Variants in NTM observed in about 807,000 individuals in gnomAD.
NTM encodes the protein IgLON family member 2.
NTM carries 13 observed loss-of-function variants against 42.1 expected under a neutral mutation model. The ratio of observed to expected loss-of-function variants is 0.31; its 90% CI spans 0.20 to 0.49. NTM has a LOEUF of 0.49. Ranked by LOEUF, NTM falls within the 20% of genes least tolerant of loss-of-function variation. The pLI is 0.99. For missense variants in NTM, 373 were observed against 452.8 expected, an observed-to-expected ratio of 0.82 and a Z score of 1.60; for synonymous variants, 187 against 179.2, an observed-to-expected ratio of 1.04 and a Z score of -0.35.
intron 1 of NTM, among the ~76,000 whole-genome samples, chr11:131,764,183 T>G (rs988974308): frequency 6.6e-6 from 1 of 152,140 alleles, no homozygotes; most frequent in Non-Finnish European, 1.5e-5. Context: ...CTGTATTTGG[T>G]CTCTTTAATA....
At chr11:131,590,340 AG>A (rs1444260091) in intron 1 of NTM, among the ~76,000 whole-genome samples, 6 of 152,326 alleles carry the variant, frequency 3.9e-5, no homozygotes, top group Non-Finnish European at 1.5e-5. Flanking sequence ...TTTGCCCAAG[AG>A]CTGAGTGTTC....
intron 4 of NTM, among the ~76,000 whole-genome samples, chr11:132,288,505 A>G (rs577428196): frequency 6.6e-6 from 1 of 152,378 alleles, no homozygotes; most frequent in South Asian, 2.1e-4. Context: ...ATTCATGTAT[A>G]GAACACCACT....
chr11:131,748,580 G>C (rs930939063), intron 1 of NTM, among the ~76,000 whole-genome samples: 1 of 152,118 alleles, frequency 6.6e-6, no homozygotes, highest in African/African-American at 2.4e-5. Context: ...CCCATCCACT[G>C]CCTCTTACTC....
At chr11:132,141,413 G>A (rs1190227146) in intron 2 of NTM, among the ~76,000 whole-genome samples, 1 of 152,140 alleles carries the variant, frequency 6.6e-6, no homozygotes, top group Non-Finnish European at 1.5e-5. Flanking sequence ...TCCTCTATGT[G>A]TAAATGCAGC....
In NTM at chr11:131,860,509, G is replaced by A. The variant is rs565509039; in HGVS notation, c.83-51055G>A. Among the ~76,000 whole-genome samples the A allele has an allele frequency of 9.2e-5, 14 of 152,286 alleles. No individual in the cohort carries two copies. The East Asian group carries it at 9.7e-4, about 11-fold the overall frequency. ...AGTCTAAGGTCTTAACTGGACGCTGGTCATATCGTCACCCTCTCCCTAGCA... is the reference window on the plus strand; with the variant it reads ...AGTCTAAGGTCTTAACTGGACGCTGATCATATCGTCACCCTCTCCCTAGCA... On this transcript the variant is annotated intron_variant, in intron 1 of 8. Transcript: ENST00000683400.
intron 4 of NTM, among the ~76,000 whole-genome samples, chr11:132,225,311 A>T (rs933059470): frequency 9.4e-5 from 12 of 127,514 alleles, no homozygotes; most frequent in East Asian, 4.0e-4. Flanking sequence ...GAGAAAAATT[A>T]AAAAAAAAAA....
At chr11:131,853,706 C>T (rs1026636898) in intron 1 of NTM, among the ~76,000 whole-genome samples, 1 of 152,164 alleles carries the variant, frequency 6.6e-6, no homozygotes, top group African/African-American at 2.4e-5. Flanking sequence ...TAAACATACA[C>T]TTACATGTGT....
intron 2 of NTM, among the ~76,000 whole-genome samples, chr11:132,038,015 TA>T (rs1223790889): frequency 6.6e-6 from 1 of 152,204 alleles, no homozygotes; most frequent in Non-Finnish European, 1.5e-5. Flanking sequence ...GCAAACAAAA[TA>T]TTAGACCGTG....
At chr11:131,463,065 C>T (rs914176541) in intron 1 of NTM, among the ~76,000 whole-genome samples, 2 of 152,220 alleles carry the variant, frequency 1.3e-5, no homozygotes, top group Non-Finnish European at 2.9e-5. Context: ...TAGAGAGCTG[C>T]CCTCTGGCCC....
intron 3 of NTM, among the ~76,000 whole-genome samples, chr11:132,167,578 C>G (rs1195347359): frequency 6.6e-6 from 1 of 152,192 alleles, no homozygotes; most frequent in East Asian, 1.9e-4. Context: ...TGTCATGTAT[C>G]TTGCCTGAGG....
intron 1 of NTM, among the ~76,000 whole-genome samples, chr11:131,498,202 C>G (rs1310968966): frequency 2.0e-5 from 3 of 152,190 alleles, no homozygotes; most frequent in African/African-American, 4.8e-5. Flanking sequence ...AGTAAGGGCT[C>G]TGCAGTCAGA....
intron 1 of NTM, among the ~76,000 whole-genome samples, chr11:131,575,290 T>A (rs992600884): frequency 7.2e-5 from 11 of 152,232 alleles, no homozygotes; most frequent in Non-Finnish European, 1.5e-4. Context: ...AAACATCTTC[T>A]GTGACAGGGA....
In NTM at chr11:132,267,841, C is replaced by CA. The variant is rs61564878; in HGVS notation, c.527-39835dup. Among the ~76,000 whole-genome samples, 817 of 137,128 alleles carry CA rather than the reference C, an allele frequency of 6.0e-3. 8 individuals are homozygous for CA. The highest frequency in any genetic ancestry group is 0.03 in the East Asian group (145 of 4,798). 90.0% of individuals were successfully genotyped at this position (137,128 alleles called of 152,430 possible). On this transcript the variant is annotated intron_variant, in intron 4 of 8. Transcript: ENST00000683400. ...TGGGTGACAGAGCAAGACTCCATCT[C>CA]AAAAAAAAAAAAACAAAAAAAACCC...
chr11:131,493,444 G>A (rs572227551), intron 1 of NTM, among the ~76,000 whole-genome samples: 1 of 152,264 alleles, frequency 6.6e-6, no homozygotes, highest in East Asian at 1.9e-4. Context: ...CTGAGCAGGT[G>A]ATCCAGGTTG....
chr11:132,118,026 A>C (rs974476178), intron 2 of NTM, among the ~76,000 whole-genome samples: 1 of 152,218 alleles, frequency 6.6e-6, no homozygotes, highest in Non-Finnish European at 1.5e-5. Flanking sequence ...TGTCACTCCC[A>C]TCTGCCTGCC....
intron 2 of NTM, among the ~76,000 whole-genome samples, chr11:131,979,111 C>G (rs2064853863): frequency 6.6e-6 from 1 of 152,092 alleles, no homozygotes; most frequent in Non-Finnish European, 1.5e-5. Context: ...AGGGGATTTT[C>G]AAACATATTT....
intron 1 of NTM, among the ~76,000 whole-genome samples, chr11:131,719,071 G>A (rs1291479643): frequency 3.3e-5 from 5 of 151,976 alleles, no homozygotes; most frequent in East Asian, 1.9e-4. Context: ...CACCACACCC[G>A]GCTAATTTTT....
At chr11:131,521,050 C>T (rs1056059852) in intron 1 of NTM, among the ~76,000 whole-genome samples, 11 of 151,800 alleles carry the variant, frequency 7.2e-5, no homozygotes, top group Admixed American at 2.0e-4. Flanking sequence ...CTTGGCCAGG[C>T]GTGGTGGCTC....
At chr11:131,478,712 G>C (rs1441830578) in intron 1 of NTM, among the ~76,000 whole-genome samples, 1 of 152,206 alleles carries the variant, frequency 6.6e-6, no homozygotes, top group African/African-American at 2.4e-5. Context: ...TCACCACACA[G>C]CTCTATAGGA....
Sources: gnomAD v4.1 joint callset for allele counts (sites outside exome capture counted in the v4.1 genomes callset) on GRCh38, gnomAD v4.1.1 for gene constraint, MANE v1.5 for transcripts, NCBI Gene and HGNC (gene_info 2026-07-23, HGNC 2026-07-21) for gene names.